Variants in NAALAD2 observed in about 807,000 individuals in gnomAD.
NAALAD2 encodes N-acetylated alpha-linked acidic dipeptidase 2, also known as N-acetylated-alpha-linked acidic dipeptidase 2.
Under a neutral mutation model 95.6 loss-of-function variants are expected in NAALAD2, and 89 were observed. The ratio of observed to expected loss-of-function variants is 0.93; its 90% confidence interval spans 0.78 to 1.11. The LOEUF (loss-of-function observed/expected upper bound fraction) is 1.11. Among genes scored for constraint, NAALAD2 ranks in the 50% least tolerant of loss-of-function variants. NAALAD2 has a pLI of 0.00. For synonymous variants in NAALAD2, 264 were observed against 294.4 expected (o/e 0.90, Z 1.06); for missense variants, 894 against 872.4 (o/e 1.02, Z -0.31).
At chr11:90,145,106 T>C (rs960218733) in intron 2 of NAALAD2, among the ~76,000 whole-genome samples, 1 of 152,194 alleles carries the variant, frequency 6.6e-6, no homozygotes. Flanking sequence ...ATGACCCTAT[T>C]TTGCCTAATG....
At chr11:90,165,013 C>T (rs1044272407) in intron 11 of NAALAD2, among the ~76,000 whole-genome samples, 2 of 152,164 alleles carry the variant, frequency 1.3e-5, no homozygotes, top group Admixed American at 6.5e-5. Flanking sequence ...TTGTTCCCCT[C>T]TATGTGTCCA....
At chr11:90,139,940 C>T (rs74529940) in intron 2 of NAALAD2, among the ~76,000 whole-genome samples, 6,457 of 151,226 alleles carry the variant, frequency 0.043, 165 homozygotes, top group Non-Finnish European at 0.057. Flanking sequence ...CCTCAGTCTA[C>T]GGTATACCAA....
rs1031507734 is a variant in NAALAD2, at chr11:90,191,935, A to G, written c.*188A>G. ...TTAAAAGTTAATAATTATATTAGCA[A>G]AGTGTTAATCTAATGAAGTAAAAAA... On this transcript the variant is annotated 3_prime_UTR_variant, in exon 19 of 19. Transcript: ENST00000534061. 2.2e-5 allele frequency: 8 copies of G among 362,086 alleles called. No homozygotes were observed. The highest frequency in any genetic ancestry group is 1.7e-4 in the African/African-American group (8 of 47,864). The allele number at this position is 362,086 out of a possible 1,614,324, so 22.4% of individuals were successfully genotyped here.
chr11:90,155,134 G>A (rs536644540), intron 6 of NAALAD2, among the ~76,000 whole-genome samples: 83 of 123,886 alleles, frequency 6.7e-4, no homozygotes, highest in African/African-American at 2.3e-3. Context: ...TATAATATAC[G>A]TATACATATG....
chr11:90,172,114 G>A (rs1952659217), intron 13 of NAALAD2, among the ~76,000 whole-genome samples: 3 of 152,202 alleles, frequency 2.0e-5, no homozygotes, highest in Admixed American at 2.0e-4. Context: ...TTTACTGGGA[G>A]TTCAATCCAA....
At position 90,175,926 on chromosome 11, in the gene NAALAD2, T is replaced by TTGTGTG. The variant is rs763929585; in HGVS notation, c.1503-45_1503-44insGTGTGT. The TTGTGTG allele has an allele frequency of 2.4e-4, 148 of 621,448 alleles. 1 individual carries two copies. The highest frequency in any genetic ancestry group is 2.0e-3 in the African/African-American group (69 of 34,638). The allele number at this position is 621,448 out of a possible 1,614,324, so 38.5% of individuals were successfully genotyped here. On this transcript the variant is annotated intron_variant, in intron 14 of 18. Coordinates refer to ENST00000534061, the MANE Select transcript of NAALAD2 (RefSeq NM_005467.4). ...ATTTAACTTTGTATCATTTACTTGT[T>TTGTGTG]TATGTGTGTGTGTGTGTGTGTGTGT...
In NAALAD2 at chr11:90,158,155, C is replaced by T. The variant is rs1182820230; in HGVS notation, c.807C>T (p.Phe269=). Reference sequence around the variant, plus strand: ...ATTTGATTTTTTTAGAATACACTTTCAGACTTGATGTTGAAGAAGGAGTGG... The same window carrying T: ...ATTTGATTTTTTTAGAATACACTTTTAGACTTGATGTTGAAGAAGGAGTGG... The part of the protein sequence containing the change: ...TPGYPAKEYT[F]RLDVEEGVGI... The change falls in exon 7 of 19, where the codon TTC becomes TTT. Residue 269 remains phenylalanine (F), a synonymous_variant. Transcript: ENST00000534061. The T allele has an allele frequency of 5.0e-6, 8 of 1,604,962 alleles. No homozygotes were observed. Among genetic ancestry groups the T allele is most frequent in the Non-Finnish European group, 6.8e-6 (8 of 1,174,128 alleles).
intron 16 of NAALAD2, among the ~76,000 whole-genome samples, chr11:90,179,013 C>T (rs1056654634): frequency 7.9e-5 from 12 of 152,074 alleles, no homozygotes; most frequent in East Asian, 1.9e-4. Flanking sequence ...ACCAGTTCTT[C>T]GTTATGTGAC....
intron 8 of NAALAD2, among the ~76,000 whole-genome samples, chr11:90,162,249 T>C (rs542123961): frequency 6.6e-6 from 1 of 152,260 alleles, no homozygotes; most frequent in Non-Finnish European, 1.5e-5. Context: ...GAGCTTGATA[T>C]TTTCCCTTGT....
intron 6 of NAALAD2, among the ~76,000 whole-genome samples, chr11:90,156,002 A>C (rs907805163): frequency 1.3e-5 from 2 of 150,564 alleles, no homozygotes; most frequent in Non-Finnish European, 3.0e-5. Context: ...CATTTCATCT[A>C]ACTTGCTGAA....
intron 16 of NAALAD2, among the ~76,000 whole-genome samples, chr11:90,178,896 C>G (rs1014713757): frequency 1.7e-4 from 26 of 152,078 alleles, no homozygotes; most frequent in African/African-American, 6.3e-4. Context: ...GGTTGCTCTT[C>G]TGCATTGTGC....
intron 2 of NAALAD2, among the ~76,000 whole-genome samples, chr11:90,136,538 A>G (rs776197452): frequency 5.3e-5 from 8 of 152,176 alleles, no homozygotes; most frequent in Non-Finnish European, 1.0e-4. Context: ...GGAATCATAT[A>G]GTATATGTTC....
At chr11:90,167,017 G>C (rs1952474858) in intron 11 of NAALAD2, among the ~76,000 whole-genome samples, 1 of 152,186 alleles carries the variant, frequency 6.6e-6, no homozygotes, top group African/African-American at 2.4e-5. Flanking sequence ...AGGCGTCGTG[G>C]TGAGAGGTGA....
At position 90,186,486 on chromosome 11, in the gene NAALAD2, C is replaced by CAT. The variant is rs1394802443; in HGVS notation, c.2033+3479_2033+3480dup. Among the ~76,000 whole-genome samples the CAT allele has an allele frequency of 1.6e-3, 237 of 152,224 alleles. 1 individual carries two copies. The highest frequency in any genetic ancestry group is 5.4e-3 in the African/African-American group (225 of 41,524). On this transcript the variant is annotated intron_variant, in intron 18 of 18. Transcript: ENST00000534061. ...CTATTGTGAATAATGCCGCAATAAACATGTGTGCATGTGTCTTTATAGCAG... is the reference window on the plus strand; with the variant it reads ...CTATTGTGAATAATGCCGCAATAAACATATGTGTGCATGTGTCTTTATAGCAG...
intron 6 of NAALAD2, among the ~76,000 whole-genome samples, chr11:90,155,144 GTA>G (rs1245079016): frequency 3.9e-5 from 5 of 127,266 alleles, no homozygotes; most frequent in South Asian, 2.4e-4. Flanking sequence ...GTATACATAT[GTA>G]TATATGTGTG....
At chr11:90,184,487 G>A (rs114598965) in intron 18 of NAALAD2, among the ~76,000 whole-genome samples, 2,373 of 152,104 alleles carry the variant, frequency 0.016, 58 homozygotes, top group African/African-American at 0.054. Context: ...AAATGAAATA[G>A]CAATGATCAA....
intron 18 of NAALAD2, among the ~76,000 whole-genome samples, chr11:90,184,713 C>G (rs1232943792): frequency 1.3e-5 from 2 of 151,980 alleles, no homozygotes; most frequent in African/African-American, 4.8e-5. Flanking sequence ...CCCCTACACC[C>G]AGTTCTTTAT....
intron 8 of NAALAD2, among the ~76,000 whole-genome samples, chr11:90,159,953 TA>T (rs759940395): frequency 0.064 from 4,795 of 75,364 alleles, 305 homozygotes; most frequent in African/African-American, 0.19. Flanking sequence ...AAACTCCATC[TA>T]AAAAAAAAAA....
intron 16 of NAALAD2, among the ~76,000 whole-genome samples, chr11:90,178,360 T>G (rs1404682469): frequency 6.6e-6 from 1 of 152,204 alleles, no homozygotes; most frequent in Non-Finnish European, 1.5e-5. Context: ...ACATTTTTCT[T>G]GTATTATGGC....
Sources: allele counts gnomAD v4.1 joint callset (sites outside exome capture counted in the v4.1 genomes callset), GRCh38; gene constraint gnomAD v4.1.1; transcripts MANE v1.5; gene names NCBI Gene and HGNC (gene_info 2026-07-23, HGNC 2026-07-21).